The following ANXA8 variants were observed in gnomAD, a reference collection of about 807,000 sequenced individuals.
The protein encoded by ANXA8 is VAC-beta.
A neutral mutation model predicts 26.8 loss-of-function variants in ANXA8; 9 were observed. That is an observed-to-expected ratio of 0.34 (90% CI 0.20 to 0.59). The LOEUF is 0.59. Ranked by LOEUF, ANXA8 falls within the 20% of genes least tolerant of loss-of-function variation. The pLI is 0.84. For synonymous variants in ANXA8, 39 were observed against 94.8 expected (o/e 0.41, Z 3.42); for missense variants, 83 against 238.5 (o/e 0.35, Z 4.29).
the ANXA8 span, among the ~76,000 whole-genome samples, chr10:47,928,753 T>TG: frequency 7.7e-6 from 1 of 130,126 alleles, no homozygotes; most frequent in Non-Finnish European, 1.7e-5. Context: ...TCTCTCTCTT[T>TG]TTTTTTTTTT....
At chr10:47,955,382 C>T in the ANXA8 span, among the ~76,000 whole-genome samples, 173 of 148,954 alleles carry the variant, frequency 1.2e-3, 1 homozygote, top group Non-Finnish European at 2.1e-3. Context: ...TTCTCAGAAA[C>T]ACATCATTAG....
chr10:47,901,861 A>C, the ANXA8 span, among the ~76,000 whole-genome samples: 3 of 151,308 alleles, frequency 2.0e-5, no homozygotes, highest in African/African-American at 7.3e-5. Flanking sequence ...TTTATTTAGC[A>C]ATTTGTTGGT....
the ANXA8 span, chr10:47,551,956 C>CTTCCTTGT: frequency 1.3e-6 from 1 of 798,848 alleles, no homozygotes; most frequent in Non-Finnish European, 1.7e-6. Flanking sequence ...CTCTAACCTA[C>CTTCCTTGT]AAGGAAGAAG....
At chr10:47,575,220 A>T in the ANXA8 span, among the ~76,000 whole-genome samples, 1 of 140,654 alleles carries the variant, frequency 7.1e-6, no homozygotes, top group Non-Finnish European at 1.5e-5. Flanking sequence ...AAAAAAAAAG[A>T]AAGAAAGCAA....
chr10:47,493,119 G>C, the ANXA8 span, among the ~76,000 whole-genome samples: 1 of 151,522 alleles, frequency 6.6e-6, no homozygotes, highest in Admixed American at 6.6e-5. Context: ...TGCCATTGCT[G>C]TCTCCTTTGG....
the ANXA8 span, among the ~76,000 whole-genome samples, chr10:47,694,641 G>A: frequency 7.9e-5 from 12 of 151,772 alleles, no homozygotes; most frequent in South Asian, 2.1e-4. Flanking sequence ...GGCTGGTCTC[G>A]AACTCCTGAC....
chr10:47,620,717 G>A, the ANXA8 span, among the ~76,000 whole-genome samples: 1 of 108,042 alleles, frequency 9.3e-6, no homozygotes. Context: ...TTATTTAACT[G>A]GAACATGTAT....
At chr10:47,970,414 G>T in the ANXA8 span, 1 of 150,976 alleles carries the variant, frequency 6.6e-6, no homozygotes, top group Admixed American at 6.6e-5. Flanking sequence ...TGGTGGGTGA[G>T]CTGAGGGTAA....
the ANXA8 span, chr10:47,565,237 G>T: frequency 1.7e-6 from 1 of 592,502 alleles, no homozygotes; most frequent in South Asian, 2.0e-5. Flanking sequence ...CTGCGGCCGG[G>T]GCCCCACTGC....
At chr10:47,710,240 C>T in the ANXA8 span, 19 of 1,511,316 alleles carry the variant, frequency 1.3e-5, 1 homozygote, top group African/African-American at 7.6e-5. Flanking sequence ...TAGTTAGTGA[C>T]GTTGTACTTC....
the ANXA8 span, among the ~76,000 whole-genome samples, chr10:47,985,211 C>T: frequency 4.7e-5 from 7 of 149,098 alleles, no homozygotes; most frequent in East Asian, 1.9e-4. Context: ...TGGAAATATA[C>T]TTAACATCAT....
the ANXA8 span, chr10:47,986,646 A>G: frequency 2.7e-6 from 1 of 366,428 alleles, no homozygotes; most frequent in Non-Finnish European, 5.4e-6. Context: ...GCTGTTGAGA[A>G]CACACAGCGC....
chr10:47,974,173 C>A, the ANXA8 span, among the ~76,000 whole-genome samples: 4 of 150,492 alleles, frequency 2.7e-5, 1 homozygote, highest in African/African-American at 7.3e-5. Flanking sequence ...AATTCTGCTT[C>A]TGGCAGAGCA....
chr10:47,907,053 T>C, the ANXA8 span, among the ~76,000 whole-genome samples: 2 of 150,970 alleles, frequency 1.3e-5, no homozygotes, highest in African/African-American at 4.9e-5. Flanking sequence ...AGGAACTCAG[T>C]TCTTCAGAAA....
chr10:47,660,598 G>A, the ANXA8 span, among the ~76,000 whole-genome samples: 23 of 151,470 alleles, frequency 1.5e-4, no homozygotes, highest in African/African-American at 4.1e-4. Context: ...ATGGGGTTTC[G>A]CCATGTTGGC....
At chr10:47,491,781 C>T in the ANXA8 span, 1 of 1,472,440 alleles carries the variant, frequency 6.8e-7, no homozygotes. Context: ...AGCCCTCACC[C>T]CAGCCCAGTA....
chr10:47,489,973 C>T, the ANXA8 span, among the ~76,000 whole-genome samples: 7 of 150,660 alleles, frequency 4.6e-5, no homozygotes, highest in African/African-American at 1.7e-4. Context: ...CTCAATGAGC[C>T]CCATGAGGGC....
At chr10:47,489,414 A>C in the ANXA8 span, among the ~76,000 whole-genome samples, 4 of 150,826 alleles carry the variant, frequency 2.7e-5, no homozygotes, top group Non-Finnish European at 4.4e-5. Flanking sequence ...GTCCTAACGC[A>C]GTACAGTCTG....
the ANXA8 span, among the ~76,000 whole-genome samples, chr10:47,549,009 A>G: frequency 2.0e-5 from 3 of 152,288 alleles, no homozygotes; most frequent in African/African-American, 7.2e-5. Flanking sequence ...ATATATATGT[A>G]TGAATGTTAA....
Sources: allele counts gnomAD v4.1 joint callset (sites outside exome capture counted in the v4.1 genomes callset), GRCh38; gene constraint gnomAD v4.1.1; transcripts MANE v1.5; gene names NCBI Gene and HGNC (gene_info 2026-07-23, HGNC 2026-07-21).